Variants in KDM4B observed in about 807,000 individuals in gnomAD.
The protein encoded by KDM4B is lysine demethylase 4B.
KDM4B carries 32 observed loss-of-function variants against 125.2 expected under a neutral mutation model. The ratio of observed to expected loss-of-function variants is 0.26; its 90% confidence interval spans 0.19 to 0.34. The LOEUF is 0.34. Among genes scored for constraint, KDM4B ranks in the 10% least tolerant of loss-of-function variants. The pLI, the probability that KDM4B is intolerant of heterozygous loss-of-function variation, is 1.00. For synonymous variants in KDM4B, 721 were observed against 677.9 expected, an observed-to-expected ratio of 1.06 and a Z score of -0.99; for missense variants, 1,190 against 1,577.7, an observed-to-expected ratio of 0.75 and a Z score of 4.16.
intron 1 of KDM4B, among the ~76,000 whole-genome samples, chr19:5,006,853 T>C (rs867544749): frequency 4.6e-5 from 7 of 151,852 alleles, no homozygotes; most frequent in Middle Eastern, 3.5e-3. Context: ...CTCTGGGACT[T>C]GGGACGGCCT....
intron 2 of KDM4B, among the ~76,000 whole-genome samples, chr19:5,018,876 G>A (rs926728516): frequency 2.0e-5 from 3 of 152,228 alleles, no homozygotes; most frequent in African/African-American, 4.8e-5. Context: ...CATCCACTCC[G>A]TGGCCTGCGT....
Position 4,992,426 on chromosome 19 carries a change from G to A in KDM4B, c.-109+23196G>A, listed in dbSNP as rs184715831. 5.1e-4 allele frequency among the ~76,000 whole-genome samples: 77 copies of A among 151,888 alleles called. 1 individual carries two copies. Among genetic ancestry groups the A allele is most frequent in the African/African-American group, 1.9e-3 (77 of 41,444 alleles). On this transcript the variant is annotated intron_variant, in intron 1 of 22. Transcript: ENST00000159111. ...TAGGCAATTATAAATTTCCCTCTAA[G>A]TACTGCTTTAGCTGCAACCTGTACT...
intron 15 of KDM4B, 68 bp from the exon 16 acceptor site, chr19:5,137,194 T>A: frequency 1.8e-6 from 2 of 1,134,324 alleles, no homozygotes; most frequent in Non-Finnish European, 2.6e-6. Context: ...CCCCTCCCCC[T>A]GAGTTTCACT....
intron 3 of KDM4B, among the ~76,000 whole-genome samples, chr19:5,034,109 G>A (rs1304793969): frequency 6.6e-6 from 1 of 152,222 alleles, no homozygotes; most frequent in Non-Finnish European, 1.5e-5. Context: ...ACTCCAGCCT[G>A]GACGACAGAG....
In KDM4B at chr19:5,131,284, C is replaced by T. The variant is rs140977454; in HGVS notation, c.1524C>T (p.Val508=). The part of the protein sequence containing the change: ...EESPLPAPLN[V]VPPEVPSEEL... The stretch of plus-strand genomic sequence containing the variant: ...GCCCCCTGCCGGCACCCCTTAATGT[C>T]GTGCCCCCTGAGGTGCCCAGTGAGG... The change falls in exon 12 of 23, where the codon GTC becomes GTT. Residue 508 remains valine (V), a synonymous_variant. Coordinates refer to ENST00000159111, the MANE Select transcript of KDM4B (RefSeq NM_015015.3). 158 of 1,611,906 alleles carry T rather than the reference C, an allele frequency of 9.8e-5. No homozygotes were observed. The highest frequency in any genetic ancestry group is 1.3e-4 in the Admixed American group (8 of 59,950).
At chr19:4,996,737 G>GT (rs922563657) in intron 1 of KDM4B, among the ~76,000 whole-genome samples, 3 of 152,154 alleles carry the variant, frequency 2.0e-5, no homozygotes, top group African/African-American at 7.2e-5. Flanking sequence ...GCTGGTTCTT[G>GT]TTTGAGTTGC....
intron 1 of KDM4B, among the ~76,000 whole-genome samples, chr19:4,981,962 G>A (rs1344370783): frequency 6.6e-6 from 1 of 152,198 alleles, no homozygotes; most frequent in East Asian, 1.9e-4. Context: ...CCCACATGTA[G>A]CAGAGATGAG....
chr19:4,984,117 C>A (rs1295853704), intron 1 of KDM4B, among the ~76,000 whole-genome samples: 2 of 152,144 alleles, frequency 1.3e-5, no homozygotes, highest in Admixed American at 6.5e-5. Flanking sequence ...GGACACTGCT[C>A]AGCACCCTGC....
intron 1 of KDM4B, among the ~76,000 whole-genome samples, chr19:4,975,686 G>A (rs993877589): frequency 3.3e-5 from 5 of 150,160 alleles, no homozygotes; most frequent in African/African-American, 1.2e-4. Context: ...TCCACCTCCC[G>A]GATTCAAGCG....
intron 6 of KDM4B, among the ~76,000 whole-genome samples, chr19:5,060,433 CAAA>C (rs901472663): frequency 4.2e-4 from 14 of 32,978 alleles, no homozygotes; most frequent in Non-Finnish European, 5.8e-4. Flanking sequence ...ACTCTGTCTC[CAAA>C]AAAAAAAAAA....
At chr19:4,975,170 C>T (rs2034401910) in intron 1 of KDM4B, among the ~76,000 whole-genome samples, 1 of 152,110 alleles carries the variant, frequency 6.6e-6, no homozygotes, top group Non-Finnish European at 1.5e-5. Flanking sequence ...TCTGGAAGGG[C>T]CGGAGAATAA....
chr19:5,091,516 C>T (rs2145917672), intron 9 of KDM4B, among the ~76,000 whole-genome samples: 1 of 152,294 alleles, frequency 6.6e-6, no homozygotes, highest in African/African-American at 2.4e-5. Context: ...CACCCATCTC[C>T]TCCCACCTCC....
At chr19:4,988,131 C>T (rs1256861300) in intron 1 of KDM4B, among the ~76,000 whole-genome samples, 2 of 152,234 alleles carry the variant, frequency 1.3e-5, no homozygotes, top group African/African-American at 4.8e-5. Flanking sequence ...GTTCAGTTCA[C>T]TCCTACCTGG....
At chr19:5,076,704 C>A in intron 7 of KDM4B, 1 of 153,912 alleles carries the variant, frequency 6.5e-6, no homozygotes, top group South Asian at 1.7e-4. Context: ...GGGTTGTGCT[C>A]TCTCGTTGAC....
intron 8 of KDM4B, chr19:5,080,881 C>T (rs570185907): frequency 1.3e-5 from 2 of 152,324 alleles, no homozygotes; most frequent in African/African-American, 4.8e-5. Context: ...AAGGAGCGGT[C>T]GCCTGGTGCA....
chr19:4,975,348 C>T (rs2034408481), intron 1 of KDM4B, among the ~76,000 whole-genome samples: 1 of 152,100 alleles, frequency 6.6e-6, no homozygotes, highest in African/African-American at 2.4e-5. Context: ...CATTTTTCTT[C>T]TTTTGCTTTT....
chr19:4,990,027 T>C lies in KDM4B; in HGVS notation c.-109+20797T>C, dbSNP rs141534557. Reference sequence around the variant, plus strand: ...TGGGCCAGGTGCAGTGGGTGGCTTATGCCTGTCATCCAAGCGCTTTGGGGG... The same window carrying C: ...TGGGCCAGGTGCAGTGGGTGGCTTACGCCTGTCATCCAAGCGCTTTGGGGG... On this transcript the variant is annotated intron_variant, in intron 1 of 22. Transcript: ENST00000159111. Among the ~76,000 whole-genome samples, 994 of 152,250 alleles carry C rather than the reference T, an allele frequency of 6.5e-3. 13 individuals carry two copies. The highest frequency in any genetic ancestry group is 0.023 in the African/African-American group (939 of 41,564).
At chr19:5,023,111 C>T (rs964393890) in intron 2 of KDM4B, among the ~76,000 whole-genome samples, 8 of 152,010 alleles carry the variant, frequency 5.3e-5, no homozygotes, top group African/African-American at 1.2e-4. Flanking sequence ...ATGTCCTCAC[C>T]GGGTCCTCAT....
chr19:5,020,510 A>C (rs1275014366), intron 2 of KDM4B, among the ~76,000 whole-genome samples: 1 of 152,124 alleles, frequency 6.6e-6, no homozygotes. Context: ...GCCGTGCATG[A>C]GGGCTGCCTC....
Sources: gnomAD v4.1 joint callset for allele counts (sites outside exome capture counted in the v4.1 genomes callset) on GRCh38, gnomAD v4.1.1 for gene constraint, MANE v1.5 for transcripts, NCBI Gene and HGNC (gene_info 2026-07-23, HGNC 2026-07-21) for gene names.